Variants in ZBTB20 observed in about 807,000 individuals in gnomAD.
ZBTB20 encodes zinc finger and BTB domain-containing protein 20.
In ZBTB20, 9 loss-of-function variants were observed where a neutral mutation model predicts 56.9. The observed-to-expected ratio is 0.16, with a 90% CI of 0.10 to 0.28. ZBTB20 has a LOEUF of 0.28. Ranked by LOEUF, ZBTB20 falls within the 10% of genes least tolerant of loss-of-function variation. The pLI is 1.00. For synonymous variants in ZBTB20, 417 were observed against 420.7 expected, an observed-to-expected ratio of 0.99 and a Z score of 0.11; for missense variants, 655 against 1,003.0, an observed-to-expected ratio of 0.65 and a Z score of 4.69.
chr3:114,731,816 C>T (rs1182158743), intron 5 of ZBTB20, among the ~76,000 whole-genome samples: 11 of 149,286 alleles, frequency 7.4e-5, no homozygotes, highest in Non-Finnish European at 1.5e-5. Context: ...ACTAATCCGG[C>T]TGTGCCTAGA....
rs553878143 is a variant in ZBTB20 at position 115,038,647 on chromosome 3, T to A, written c.-507+32572A>T. The stretch of plus-strand genomic sequence containing the variant: ...GCTAAATTTTGCCTAAACAAGTTTA[T>A]CCCTAAATGTAAACAATGCATCCAA... On this transcript the variant is annotated intron_variant, in intron 2 of 11. Transcript: ENST00000675478. Among the ~76,000 whole-genome samples the A allele has an allele frequency of 2.6e-3, 391 of 152,240 alleles. 2 individuals are homozygous for A. Among genetic ancestry groups the A allele is most frequent in the Non-Finnish European group, 4.4e-3 (296 of 67,976 alleles).
At chr3:114,929,587 T>C (rs1238937176) in intron 3 of ZBTB20, among the ~76,000 whole-genome samples, 2 of 152,244 alleles carry the variant, frequency 1.3e-5, no homozygotes, top group Non-Finnish European at 2.9e-5. Context: ...AGTCTACAGA[T>C]TCTGGCAGGC....
intron 6 of ZBTB20, among the ~76,000 whole-genome samples, chr3:114,592,219 T>G (rs992895793): frequency 4.9e-4 from 74 of 152,280 alleles, no homozygotes; most frequent in African/African-American, 1.7e-3. Context: ...GAATTTTTTA[T>G]TTTTTGGTCA....
intron 4 of ZBTB20, among the ~76,000 whole-genome samples, chr3:114,872,506 T>C (rs1278006265): frequency 6.6e-6 from 1 of 151,940 alleles, no homozygotes; most frequent in East Asian, 1.9e-4. Flanking sequence ...ACTGTAAAGA[T>C]GTAATGGGAG....
chr3:114,453,603 A>T (rs1260015217), intron 7 of ZBTB20: 1 of 152,172 alleles, frequency 6.6e-6, no homozygotes, highest in Non-Finnish European at 1.5e-5. Flanking sequence ...AAGGGTAAAG[A>T]CATGATAAGA....
intron 6 of ZBTB20, among the ~76,000 whole-genome samples, chr3:114,562,987 A>G (rs1259766517): frequency 1.3e-5 from 2 of 152,222 alleles, no homozygotes; most frequent in African/African-American, 2.4e-5. Flanking sequence ...TATTGCCAAG[A>G]ACCACCAAAA....
chr3:115,091,011 C>T (rs1484185268), intron 1 of ZBTB20, among the ~76,000 whole-genome samples: 3 of 151,886 alleles, frequency 2.0e-5, no homozygotes, highest in Non-Finnish European at 4.4e-5. Context: ...AGTCCTCTAC[C>T]AACCTGTGGG....
chr3:114,350,158 T>G lies in ZBTB20; in HGVS notation c.1804+116A>C, dbSNP rs1576279448. 1.8e-5 allele frequency: 26 copies of G among 1,409,568 alleles called. No individual in the cohort carries two copies. The East Asian group carries it at 2.6e-4, about 14-fold the overall frequency. 87.3% of individuals were successfully genotyped at this position (1,409,568 alleles called of 1,614,324 possible). ...TTTCTAGAAGAGGCTTGTGGTGGGG[T>G]CTGTTTAAAATCTGAAAGATGATCC... is the stretch of plus-strand genomic sequence containing the variant. On this transcript the variant is annotated intron_variant, in intron 11 of 11. Coordinates refer to ENST00000675478, the MANE Select transcript of ZBTB20 (RefSeq NM_001348800.3).
At chr3:115,026,508 T>C (rs1017607451) in intron 2 of ZBTB20, among the ~76,000 whole-genome samples, 1 of 150,938 alleles carries the variant, frequency 6.6e-6, no homozygotes, top group African/African-American at 2.4e-5. Flanking sequence ...ACTCAAAGCA[T>C]GTCATAGTTT....
At chr3:114,573,952 CTT>C (rs1208837358) in intron 6 of ZBTB20, among the ~76,000 whole-genome samples, 1 of 152,110 alleles carries the variant, frequency 6.6e-6, no homozygotes, top group African/African-American at 2.4e-5. Context: ...GATAACTCCT[CTT>C]TACATTTGAA....
At chr3:115,112,144 T>A (rs1426190645) in intron 1 of ZBTB20, among the ~76,000 whole-genome samples, 1 of 151,632 alleles carries the variant, frequency 6.6e-6, no homozygotes, top group African/African-American at 2.4e-5. Context: ...GTATTTTCTA[T>A]TACATTTTTG....
intron 5 of ZBTB20, among the ~76,000 whole-genome samples, chr3:114,758,151 C>T (rs1357915149): frequency 1.3e-5 from 2 of 152,094 alleles, no homozygotes; most frequent in African/African-American, 4.8e-5. Flanking sequence ...TATATATATT[C>T]TGGTAATGTT....
At chr3:114,905,976 A>G (rs2075302302) in intron 3 of ZBTB20, among the ~76,000 whole-genome samples, 1 of 151,860 alleles carries the variant, frequency 6.6e-6, no homozygotes, top group South Asian at 2.1e-4. Flanking sequence ...CCTGAGACAG[A>G]TACCTCCACT....
intron 7 of ZBTB20, among the ~76,000 whole-genome samples, chr3:114,416,285 T>G (rs1263722248): frequency 6.6e-6 from 1 of 150,668 alleles, no homozygotes; most frequent in Non-Finnish European, 1.5e-5. Context: ...ACCTGATCAT[T>G]GTGGTCAGAC....
intron 4 of ZBTB20, among the ~76,000 whole-genome samples, chr3:114,827,782 T>C (rs1281640390): frequency 6.6e-6 from 1 of 151,718 alleles, no homozygotes; most frequent in Non-Finnish European, 1.5e-5. Context: ...TTAGATAATA[T>C]ATTCTGCCTA....
At chr3:114,672,723 T>TTC (rs1291834613) in intron 6 of ZBTB20, among the ~76,000 whole-genome samples, 2 of 152,104 alleles carry the variant, frequency 1.3e-5, no homozygotes, top group Non-Finnish European at 2.9e-5. Context: ...ATTAAAAGAG[T>TTC]ATGAGTTTTG....
intron 3 of ZBTB20, among the ~76,000 whole-genome samples, chr3:114,946,426 G>A (rs1318900233): frequency 2.1e-5 from 3 of 144,658 alleles, no homozygotes; most frequent in Admixed American, 1.3e-4. Context: ...GTCAAAAATT[G>A]GGGTCTTTTG....
At chr3:114,468,970 C>T (rs914752514) in intron 7 of ZBTB20, among the ~76,000 whole-genome samples, 1 of 118,346 alleles carries the variant, frequency 8.4e-6, no homozygotes, top group African/African-American at 3.4e-5. Flanking sequence ...CATGTGGATG[C>T]AGATCTAATG....
At chr3:114,568,276 C>T (rs901417311) in intron 6 of ZBTB20, among the ~76,000 whole-genome samples, 1 of 152,152 alleles carries the variant, frequency 6.6e-6, no homozygotes, top group Non-Finnish European at 1.5e-5. Context: ...CCCTCTCCCC[C>T]CACGAAAAAC....
Sources: allele counts gnomAD v4.1 joint callset (sites outside exome capture counted in the v4.1 genomes callset), GRCh38; gene constraint gnomAD v4.1.1; transcripts MANE v1.5; gene names NCBI Gene and HGNC (gene_info 2026-07-23, HGNC 2026-07-21).